Variants in ITGA9 observed in about 807,000 individuals in gnomAD.
The protein encoded by ITGA9 is integrin subunit alpha 9.
A neutral mutation model predicts 127.8 loss-of-function variants in ITGA9; 56 were observed. The ratio of observed to expected loss-of-function variants is 0.44; its 90% CI spans 0.35 to 0.55. The LOEUF is 0.55. Among genes scored for constraint, ITGA9 ranks in the 20% least tolerant of loss-of-function variants. The probability of loss-of-function intolerance (pLI) is 0.00; values close to 1 mark genes in which losing one functional copy is unlikely to be tolerated. For missense variants in ITGA9, 1,196 were observed against 1,347.1 expected, an observed-to-expected ratio of 0.89 and a Z score of 1.76; for synonymous variants, 508 against 514.5, an observed-to-expected ratio of 0.99 and a Z score of 0.17.
At chr3:37,606,337 A>T (rs550753537) in intron 15 of ITGA9, among the ~76,000 whole-genome samples, 3 of 152,312 alleles carry the variant, frequency 2.0e-5, no homozygotes, top group Non-Finnish European at 2.9e-5. Context: ...CAATGGTGGA[A>T]ACGTTCTGTG....
chr3:37,517,560 T>C lies in ITGA9; in HGVS notation c.1092T>C (p.Phe364=). The C allele has an allele frequency of 6.3e-7, 1 of 1,599,222 alleles. No individual in the cohort carries two copies. Among genetic ancestry groups the C allele is most frequent in the Non-Finnish European group, 8.5e-7 (1 of 1,172,866 alleles). ...GGGATGGTGCCTACAATGCGCACTTTGGAGAGAGCATTGCCAGCCTGGACG... is the reference window on the plus strand; with the variant it reads ...GGGATGGTGCCTACAATGCGCACTTCGGAGAGAGCATTGCCAGCCTGGACG... ...LTGDGAYNAH[F]GESIASLDDL... The change falls in exon 10 of 28, where the codon TTT becomes TTC. Residue 364 remains phenylalanine (F), a synonymous_variant. Coordinates refer to ENST00000264741, the MANE Select transcript of ITGA9 (RefSeq NM_002207.3).
intron 18 of ITGA9, among the ~76,000 whole-genome samples, chr3:37,696,549 C>A (rs181622195): frequency 6.6e-6 from 1 of 152,352 alleles, no homozygotes; most frequent in Admixed American, 6.5e-5. Context: ...TCCAGAACCC[C>A]TGTCCTTCAG....
intron 26 of ITGA9, among the ~76,000 whole-genome samples, chr3:37,791,507 G>A (rs1454337555): frequency 6.6e-6 from 1 of 152,204 alleles, no homozygotes; most frequent in Non-Finnish European, 1.5e-5. Context: ...GGAAACCTGA[G>A]GGCTATAGGC....
chr3:37,819,169 G>A lies in ITGA9; in HGVS notation c.*180G>A, dbSNP rs919948259. 5.2e-5 allele frequency: 33 copies of A among 639,846 alleles called. No individual in the cohort carries two copies. The highest frequency in any genetic ancestry group is 4.1e-4 in the Middle Eastern group (1 of 2,432). 39.6% of individuals were successfully genotyped at this position (639,846 alleles called of 1,614,324 possible). A position where few individuals can be genotyped will look rare whatever the true frequency, so the allele number is the denominator to read the frequency against. On this transcript the variant is annotated 3_prime_UTR_variant, in exon 28 of 28. Transcript: ENST00000264741. ...GGCAGCCACTTCGGCCAGGTCACAC[G>A]ACCGGGGCCAGCACCACTTCCTTTA...
At chr3:37,656,109 T>C (rs1700475209) in intron 17 of ITGA9, among the ~76,000 whole-genome samples, 1 of 152,232 alleles carries the variant, frequency 6.6e-6, no homozygotes, top group Non-Finnish European at 1.5e-5. Context: ...TGTAGTATAG[T>C]TTGAAGTCAG....
At position 37,491,267 on chromosome 3, in the gene ITGA9, G is replaced by A. The variant is rs747710098; in HGVS notation, c.545-3234G>A. ...GCTGGGATTACAGGTGTCAGCCACC[G>A]TGCTGGCCAGCTTCCCCAAATGTAA... is the stretch of plus-strand genomic sequence containing the variant. On this transcript the variant is annotated intron_variant, in intron 4 of 27. Coordinates refer to ENST00000264741, the MANE Select transcript of ITGA9 (RefSeq NM_002207.3). Among the ~76,000 whole-genome samples the A allele has an allele frequency of 1.2e-4, 18 of 152,258 alleles. 1 individual carries two copies. In the South Asian group the frequency reaches 2.5e-3, roughly 21 times the overall value.
At chr3:37,519,210 T>C (rs776210400) in intron 10 of ITGA9, 50 bp from the exon 11 acceptor site, 1 of 1,379,614 alleles carries the variant, frequency 7.2e-7, no homozygotes, top group South Asian at 1.2e-5. Flanking sequence ...GAAGCTGCAC[T>C]TGTATTATTA....
intron 5 of ITGA9, among the ~76,000 whole-genome samples, chr3:37,502,023 C>T (rs1423159583): frequency 3.3e-5 from 5 of 152,152 alleles, no homozygotes; most frequent in East Asian, 3.9e-4. Flanking sequence ...TTTCCATTAT[C>T]GTATCACCCA....
At chr3:37,748,450 CA>C (rs1696535142) in intron 22 of ITGA9, 1 of 588,388 alleles carries the variant, frequency 1.7e-6, no homozygotes, top group South Asian at 1.5e-5. Context: ...GGAAAATGAT[CA>C]GAAAAAGAAG....
At chr3:37,574,648 T>C (rs759159800) in intron 15 of ITGA9, among the ~76,000 whole-genome samples, 4 of 152,252 alleles carry the variant, frequency 2.6e-5, no homozygotes, top group Non-Finnish European at 5.9e-5. Context: ...TGATTTCTTA[T>C]TGAGCCTTTG....
chr3:37,623,478 C>G (rs967644944), intron 15 of ITGA9, among the ~76,000 whole-genome samples: 1 of 152,116 alleles, frequency 6.6e-6, no homozygotes, highest in African/African-American at 2.4e-5. Context: ...CTGGAAACAC[C>G]TCAAGGGAAA....
intron 6 of ITGA9, among the ~76,000 whole-genome samples, chr3:37,503,919 A>C (rs930287401): frequency 6.6e-6 from 1 of 151,956 alleles, no homozygotes; most frequent in African/African-American, 2.4e-5. Flanking sequence ...GTAGATGACA[A>C]TTACAAGACT....
chr3:37,567,929 A>G (rs1157654370), intron 15 of ITGA9, among the ~76,000 whole-genome samples: 2 of 152,030 alleles, frequency 1.3e-5, no homozygotes, highest in Admixed American at 6.5e-5. Context: ...TGGTGGATCT[A>G]CCATTCTAGG....
Position 37,822,704 on chromosome 3 carries a change from C to T in ITGA9, c.*3715C>T, listed in dbSNP as rs1383425901. 6.6e-6 allele frequency: 1 copy of T among 152,256 alleles called. No homozygotes were observed. The highest frequency in any genetic ancestry group is 1.5e-5 in the Non-Finnish European group (1 of 68,050). 9.4% of individuals were successfully genotyped at this position (152,256 alleles called of 1,614,324 possible). On this transcript the variant is annotated 3_prime_UTR_variant, in exon 28 of 28. Coordinates refer to ENST00000264741, the MANE Select transcript of ITGA9 (RefSeq NM_002207.3). ...GAACATCCTGTTTTCCATGCGGAAG[C>T]ATAGCAGATCCCCAGACGATCCGTG...
At chr3:37,777,227 A>G (rs993317057) in intron 23 of ITGA9, among the ~76,000 whole-genome samples, 165 bp from the exon 24 acceptor site, 6 of 152,196 alleles carry the variant, frequency 3.9e-5, no homozygotes, top group African/African-American at 1.4e-4. Flanking sequence ...TGTTGATGCT[A>G]CAACTTCTGC....
At chr3:37,567,314 T>C (rs1357729176) in intron 15 of ITGA9, among the ~76,000 whole-genome samples, 1 of 152,110 alleles carries the variant, frequency 6.6e-6, no homozygotes, top group Non-Finnish European at 1.5e-5. Flanking sequence ...GAAAGACCCA[T>C]CCCCATGATT....
At chr3:37,804,188 G>A (rs1319567661) in intron 27 of ITGA9, among the ~76,000 whole-genome samples, 1 of 152,158 alleles carries the variant, frequency 6.6e-6, no homozygotes, top group Non-Finnish European at 1.5e-5. Context: ...CCTTCCCTTA[G>A]AGCCCTAACA....
chr3:37,794,153 C>A (rs1412832013), intron 26 of ITGA9, among the ~76,000 whole-genome samples: 1 of 152,210 alleles, frequency 6.6e-6, no homozygotes, highest in Non-Finnish European at 1.5e-5. Context: ...TACCTCCTGT[C>A]ACTCTGACAT....
At chr3:37,703,581 T>C (rs891797814) in intron 18 of ITGA9, among the ~76,000 whole-genome samples, 1 of 152,338 alleles carries the variant, frequency 6.6e-6, no homozygotes, top group Middle Eastern at 3.4e-3. Context: ...TTTGTATCTA[T>C]AGTCATAAAC....
Sources: allele counts gnomAD v4.1 joint callset (sites outside exome capture counted in the v4.1 genomes callset), GRCh38; gene constraint gnomAD v4.1.1; transcripts MANE v1.5; gene names NCBI Gene and HGNC (gene_info 2026-07-23, HGNC 2026-07-21).